Variants in RORA observed in about 807,000 individuals in gnomAD.
RORA encodes RAR related orphan receptor A, also known as nuclear receptor ROR-alpha.
A neutral mutation model predicts 69.5 loss-of-function variants in RORA; 7 were observed. That is an observed-to-expected ratio of 0.10 (90% CI 0.06 to 0.19). The LOEUF is 0.19. RORA is among the 10% of genes least tolerant of loss of function. The pLI, the probability that RORA is intolerant of heterozygous loss-of-function variation, is 1.00. For missense variants in RORA, 457 were observed against 663.0 expected (o/e 0.69, Z 3.41); for synonymous variants, 261 against 240.8 (o/e 1.08, Z -0.78).
At chr15:60,516,053 ATATTTATATATATTTATATATATT>A (rs2065898142) in intron 3 of RORA, among the ~76,000 whole-genome samples, 4 of 19,490 alleles carry the variant, frequency 2.1e-4, no homozygotes, top group Admixed American at 1.0e-3. Flanking sequence ...ATATTTATAT[ATATTTATATATATTTATATATATT>A]TATTTATATA....
intron 1 of RORA, among the ~76,000 whole-genome samples, chr15:60,826,739 T>C (rs1467096934): frequency 2.0e-5 from 2 of 98,886 alleles, no homozygotes; most frequent in Non-Finnish European, 3.9e-5. Flanking sequence ...TTATTCTACC[T>C]GCTCTCTCTC....
intron 1 of RORA, among the ~76,000 whole-genome samples, chr15:61,049,990 G>A (rs1566963986): frequency 6.6e-6 from 1 of 152,120 alleles, no homozygotes. Flanking sequence ...ACTTCTCAGA[G>A]GCTTTTAATA....
chr15:60,509,139 C>G (rs1180735096), intron 5 of RORA, among the ~76,000 whole-genome samples: 1 of 152,126 alleles, frequency 6.6e-6, no homozygotes, highest in Non-Finnish European at 1.5e-5. Context: ...AAAAGAAATA[C>G]CAGGGAAATT....
chr15:60,587,527 T>A (rs1470493913), intron 2 of RORA, among the ~76,000 whole-genome samples: 1 of 152,174 alleles, frequency 6.6e-6, no homozygotes, highest in Non-Finnish European at 1.5e-5. Context: ...GCAACCTCTG[T>A]GAGCCTCAGT....
At chr15:60,586,928 C>G (rs1233761613) in intron 2 of RORA, among the ~76,000 whole-genome samples, 1 of 152,092 alleles carries the variant, frequency 6.6e-6, no homozygotes, top group Non-Finnish European at 1.5e-5. Flanking sequence ...TTCTAAAAGA[C>G]AAACGATTTC....
chr15:60,517,827 T>G (rs1233103145), intron 3 of RORA, among the ~76,000 whole-genome samples: 2 of 152,240 alleles, frequency 1.3e-5, no homozygotes, highest in Non-Finnish European at 2.9e-5. Flanking sequence ...TACAGTTTCT[T>G]GTGTGATCAC....
intron 1 of RORA, among the ~76,000 whole-genome samples, chr15:61,053,529 A>G (rs1274018258): frequency 6.6e-6 from 1 of 151,844 alleles, no homozygotes; most frequent in Non-Finnish European, 1.5e-5. Flanking sequence ...TCAGCTACAA[A>G]TGGGCAGATG....
chr15:60,997,947 T>C (rs1894612147), intron 1 of RORA, among the ~76,000 whole-genome samples: 1 of 152,164 alleles, frequency 6.6e-6, no homozygotes. Flanking sequence ...CTTCAACACA[T>C]TGTTTATGGA....
At chr15:60,655,337 A>G (rs1443585533) in intron 2 of RORA, among the ~76,000 whole-genome samples, 1 of 152,140 alleles carries the variant, frequency 6.6e-6, no homozygotes, top group Admixed American at 6.6e-5. Context: ...CCCAGCGGTT[A>G]CAGAGTTGTG....
At chr15:60,636,558 C>G (rs548075740) in intron 2 of RORA, among the ~76,000 whole-genome samples, 1 of 152,122 alleles carries the variant, frequency 6.6e-6, no homozygotes, top group Non-Finnish European at 1.5e-5. Context: ...CTAACCAGTA[C>G]AAGACATAGA....
chr15:60,653,529 G>C (rs1198653069), intron 2 of RORA, among the ~76,000 whole-genome samples: 15 of 152,144 alleles, frequency 9.9e-5, no homozygotes, highest in Admixed American at 9.8e-4. Context: ...ATGTTGATTG[G>C]CCAGGCATGG....
At chr15:60,730,839 A>T (rs376671343) in intron 1 of RORA, among the ~76,000 whole-genome samples, 1 of 151,028 alleles carries the variant, frequency 6.6e-6, no homozygotes, top group Non-Finnish European at 1.5e-5. Flanking sequence ...TCAGTGAGCT[A>T]TTCATATAGG....
intron 1 of RORA, among the ~76,000 whole-genome samples, chr15:60,858,157 C>T (rs566147407): frequency 3.3e-5 from 5 of 152,286 alleles, no homozygotes; most frequent in South Asian, 2.1e-4. Flanking sequence ...AGTCAGAACA[C>T]GGGGTCCATG....
intron 1 of RORA, among the ~76,000 whole-genome samples, chr15:60,811,914 G>A (rs761949786): frequency 3.3e-5 from 5 of 152,154 alleles, no homozygotes; most frequent in Non-Finnish European, 7.4e-5. Flanking sequence ...GGTTATTTAT[G>A]CAAGTTGAAT....
At chr15:60,515,720 T>A (rs143468416) in intron 3 of RORA, among the ~76,000 whole-genome samples, 1 of 147,446 alleles carries the variant, frequency 6.8e-6, no homozygotes, top group East Asian at 2.0e-4. Context: ...GAGGCATATT[T>A]CTTAATTTCC....
At chr15:60,755,899 G>GCATT (rs1459237393) in intron 1 of RORA, among the ~76,000 whole-genome samples, 2 of 152,116 alleles carry the variant, frequency 1.3e-5, no homozygotes, top group African/African-American at 2.4e-5. Context: ...GGCTTAACCT[G>GCATT]CATTCATTCA....
At chr15:61,199,225 T>C (rs964361) in intron 1 of RORA, among the ~76,000 whole-genome samples, 150,680 of 152,114 alleles carry the variant, frequency 0.99, 74,642 homozygotes, top group Middle Eastern at 1. Context: ...CCTTCTCTGC[T>C]CTCGGGAGCA....
intron 2 of RORA, among the ~76,000 whole-genome samples, chr15:60,608,793 A>G (rs1025006828): frequency 7.9e-5 from 12 of 152,176 alleles, no homozygotes; most frequent in Admixed American, 5.2e-4. Flanking sequence ...CTCTTCAACA[A>G]CATGTCACCA....
At chr15:61,149,222 C>A (rs975501) in intron 1 of RORA, among the ~76,000 whole-genome samples, 3 of 151,934 alleles carry the variant, frequency 2.0e-5, no homozygotes, top group Admixed American at 2.0e-4. Context: ...TGTGATTGTT[C>A]GTGTTACTGA....
Sources: allele counts gnomAD v4.1 joint callset (sites outside exome capture counted in the v4.1 genomes callset), GRCh38; gene constraint gnomAD v4.1.1; transcripts MANE v1.5; gene names NCBI Gene and HGNC (gene_info 2026-07-23, HGNC 2026-07-21).